Variants in EYS observed in about 807,000 individuals in gnomAD.
The protein encoded by EYS is EGF-like photoreceptor maintenance factor, also known as protein eyes shut homolog.
Under a neutral mutation model 282.1 loss-of-function variants are expected in EYS, and 250 were observed. The ratio of observed to expected loss-of-function variants is 0.89; its 90% CI spans 0.80 to 0.98. EYS has a LOEUF of 0.98. Ranked by LOEUF, EYS falls within the 50% of genes least tolerant of loss-of-function variation. The pLI is 0.00. For synonymous variants in EYS, 1,355 were observed against 1,282.9 expected (o/e 1.06, Z -1.20); for missense variants, 4,016 against 3,709.0 (o/e 1.08, Z -2.15).
intron 14 of EYS, among the ~76,000 whole-genome samples, chr6:64,977,258 C>T (rs1029496124): frequency 1.3e-5 from 2 of 151,870 alleles, no homozygotes; most frequent in African/African-American, 4.8e-5. Flanking sequence ...TGTTAATTCT[C>T]ACAATATTTC....
At chr6:65,331,580 T>A (rs1308164990) in intron 11 of EYS, 1 of 974,610 alleles carries the variant, frequency 1.0e-6, no homozygotes. Flanking sequence ...ATTACAAAAA[T>A]TTTGTAATTT....
intron 36 of EYS, among the ~76,000 whole-genome samples, chr6:63,839,142 T>G (rs1176722783): frequency 1.3e-5 from 2 of 152,230 alleles, no homozygotes; most frequent in African/African-American, 4.8e-5. Flanking sequence ...TGTAGTGTCA[T>G]AGAATGCTAG....
chr6:64,737,100 G>T (rs1380073781), intron 22 of EYS, among the ~76,000 whole-genome samples: 1 of 152,092 alleles, frequency 6.6e-6, no homozygotes, highest in African/African-American at 2.4e-5. Context: ...GCACATAAAA[G>T]ATGTGTCTGT....
intron 29 of EYS, among the ~76,000 whole-genome samples, chr6:64,358,372 C>T (rs1193571746): frequency 6.6e-6 from 1 of 151,596 alleles, no homozygotes; most frequent in Non-Finnish European, 1.5e-5. Flanking sequence ...TTGAATTGCA[C>T]ATAAAAAGAG....
At chr6:64,686,834 TATAC>T (rs376756125) in intron 22 of EYS, among the ~76,000 whole-genome samples, 2,853 of 22,790 alleles carry the variant, frequency 0.13, 524 homozygotes, top group East Asian at 0.22. Flanking sequence ...TATATATATA[TATAC>T]GTGTATATAT....
At chr6:64,490,995 C>T (rs1572544) in intron 26 of EYS, among the ~76,000 whole-genome samples, 63,595 of 150,188 alleles carry the variant, frequency 0.42, 14,191 homozygotes, top group African/African-American at 0.59. Context: ...AAAAATTGCA[C>T]AAAGTCTACA....
intron 2 of EYS, among the ~76,000 whole-genome samples, chr6:65,620,531 G>T (rs899465805): frequency 1.3e-5 from 2 of 151,130 alleles, no homozygotes; most frequent in Non-Finnish European, 2.9e-5. Flanking sequence ...TTTTTGAAGG[G>T]TTTTTTGTGT....
At chr6:65,706,922 G>A (rs1333641842) in intron 1 of EYS, among the ~76,000 whole-genome samples, 3 of 152,150 alleles carry the variant, frequency 2.0e-5, no homozygotes, top group Non-Finnish European at 4.4e-5. Context: ...GGAATATAAA[G>A]CACATGTTGT....
At chr6:64,941,200 G>T (rs1250296343) in intron 15 of EYS, among the ~76,000 whole-genome samples, 1 of 151,890 alleles carries the variant, frequency 6.6e-6, no homozygotes. Context: ...GGCTAACATG[G>T]TGAAACTCCA....
intron 33 of EYS, among the ~76,000 whole-genome samples, chr6:64,019,964 C>G (rs1436398556): frequency 6.6e-6 from 1 of 151,478 alleles, no homozygotes; most frequent in Non-Finnish European, 1.5e-5. Context: ...TGTGCAGAGG[C>G]TATGAAATAG....
At chr6:64,373,337 T>A (rs1470093070) in intron 29 of EYS, among the ~76,000 whole-genome samples, 1 of 152,198 alleles carries the variant, frequency 6.6e-6, no homozygotes, top group East Asian at 1.9e-4. Context: ...GGAGGAGCCC[T>A]CTCTGATTAC....
chr6:64,405,941 A>G (rs1170486047), intron 28 of EYS, among the ~76,000 whole-genome samples: 1 of 152,216 alleles, frequency 6.6e-6, no homozygotes, highest in Non-Finnish European at 1.5e-5. Flanking sequence ...CTTTCTTCAC[A>G]GAATTGGAAA....
At chr6:64,441,664 T>C (rs1400461512) in intron 26 of EYS, among the ~76,000 whole-genome samples, 2 of 152,190 alleles carry the variant, frequency 1.3e-5, no homozygotes, top group South Asian at 2.1e-4. Context: ...CAGTGGGATA[T>C]GACTGAATGT....
chr6:65,166,265 C>A (rs1562000026), intron 12 of EYS, among the ~76,000 whole-genome samples: 1 of 151,038 alleles, frequency 6.6e-6, no homozygotes, highest in East Asian at 2.0e-4. Context: ...GACAGAGTCA[C>A]AAAATCGTCC....
intron 11 of EYS, among the ~76,000 whole-genome samples, chr6:65,312,747 G>A (rs1033784709): frequency 2.6e-5 from 4 of 152,140 alleles, no homozygotes; most frequent in Non-Finnish European, 2.9e-5. Context: ...AGTTATCACA[G>A]TATGCTCTCA....
At chr6:63,941,580 A>C (rs1053075082) in intron 35 of EYS, among the ~76,000 whole-genome samples, 1 of 152,218 alleles carries the variant, frequency 6.6e-6, no homozygotes, top group African/African-American at 2.4e-5. Context: ...GATTCTGGAT[A>C]TTAGCCCCTG....
intron 12 of EYS, among the ~76,000 whole-genome samples, chr6:65,238,225 C>T (rs2150273678): frequency 6.7e-6 from 1 of 150,060 alleles, no homozygotes; most frequent in Non-Finnish European, 1.5e-5. Context: ...AAGATAATTG[C>T]CAAACAAGGT....
chr6:65,109,400 A>AT (rs1444473067), intron 12 of EYS, among the ~76,000 whole-genome samples: 2 of 151,894 alleles, frequency 1.3e-5, no homozygotes, highest in Non-Finnish European at 2.9e-5. Context: ...TTATAGTAGA[A>AT]TTTTTTGTTT....
At chr6:64,198,718 G>T (rs1419973953) in intron 31 of EYS, among the ~76,000 whole-genome samples, 9 of 152,120 alleles carry the variant, frequency 5.9e-5, no homozygotes, top group Admixed American at 5.9e-4. Flanking sequence ...TCTTTATCCA[G>T]TCTATCACTG....
Sources: gnomAD v4.1 joint callset for allele counts (sites outside exome capture counted in the v4.1 genomes callset) on GRCh38, gnomAD v4.1.1 for gene constraint, MANE v1.5 for transcripts, NCBI Gene and HGNC (gene_info 2026-07-23, HGNC 2026-07-21) for gene names.